IFI44L: variants seen among roughly 807,000 people sequenced by gnomAD.
IFI44L encodes interferon-induced protein 44-like.
IFI44L carries 40 observed loss-of-function variants against 39.3 expected under a neutral mutation model. That is an observed-to-expected ratio of 1.02 (90% CI 0.79 to 1.33). The LOEUF is 1.33. Among genes scored for constraint, IFI44L ranks in the 40% most tolerant of loss-of-function variants. IFI44L has a pLI of 0.00. For synonymous variants in IFI44L, 198 were observed against 182.3 expected (o/e 1.09, Z -0.69); for missense variants, 623 against 549.0 (o/e 1.13, Z -1.35).
At chr1:78,629,988 C>A in intron 4 of IFI44L, 73 bp downstream of exon 4, 1 of 1,338,144 alleles carries the variant, frequency 7.5e-7, no homozygotes, top group East Asian at 2.4e-5. Context: ...GCCTTTTTCT[C>A]TTAGGGCAAT....
Position 78,641,112 on chromosome 1 carries a change from T to C in IFI44L, c.1140T>C (p.Ser380=), listed in dbSNP as rs1439473545. The stretch of plus-strand genomic sequence containing the variant: ...TAAACATGAGTAGATCTATGACTTC[T>C]CAAAGCCGGGTAAAAAATGCTGATC... ...NFLNMSRSMT[S]QSRVMNVHKM... Residue 380 remains serine (S), a synonymous_variant, in exon 7 of 9, where the codon TCT becomes TCC. Transcript: ENST00000370751. The C allele has an allele frequency of 2.5e-6, 4 of 1,607,738 alleles. No homozygotes were observed. The highest frequency in any genetic ancestry group is 3.4e-6 in the Non-Finnish European group (4 of 1,174,646).
chr1:78,641,292 G>C, intron 7 of IFI44L, 143 bp from the exon 8 acceptor site: 1 of 878,244 alleles, frequency 1.1e-6, no homozygotes. Flanking sequence ...CTTTAAAACT[G>C]CAATGATCTG....
chr1:78,646,094 A>G lies in IFI44L; in HGVS notation c.*4285A>G, dbSNP rs895941870. On this transcript the variant is annotated 3_prime_UTR_variant, in exon 9 of 9. Coordinates refer to ENST00000370751, the MANE Select transcript of IFI44L (RefSeq NM_006820.4). ...AAAATTGATTTCTTTTGCACATTCC[A>G]TGACAATATATGTCACATTTTTAAA... 1.3e-4 allele frequency: 20 copies of G among 152,190 alleles called. No individual in the cohort carries two copies. The highest frequency in any genetic ancestry group is 4.1e-4 in the African/African-American group (17 of 41,454). 9.4% of individuals were successfully genotyped at this position (152,190 alleles called of 1,614,324 possible).
At chr1:78,622,599 C>A (rs886473649) in intron 1 of IFI44L, among the ~76,000 whole-genome samples, 1 of 151,820 alleles carries the variant, frequency 6.6e-6, no homozygotes, top group African/African-American at 2.4e-5. Context: ...TGTGACTTAA[C>A]GGTAACAAAT....
At chr1:78,637,009 G>A in intron 5 of IFI44L, 23 bp from the exon 6 acceptor site, 1 of 1,576,826 alleles carries the variant, frequency 6.3e-7, no homozygotes, top group Non-Finnish European at 8.7e-7. Flanking sequence ...ATTTCTGAAT[G>A]TTACCTTATG....
chr1:78,639,490 C>T (rs967143946), intron 6 of IFI44L, among the ~76,000 whole-genome samples: 3 of 151,966 alleles, frequency 2.0e-5, no homozygotes, highest in African/African-American at 7.2e-5. Context: ...TTTTTGCTGG[C>T]TCTAATTTGT....
rs116273074 is a variant in IFI44L at position 78,625,433 on chromosome 1, T to C, written c.-10-2473T>C. 5.8e-3 allele frequency among the ~76,000 whole-genome samples: 881 copies of C among 152,256 alleles called. 13 individuals carry two copies. The highest frequency in any genetic ancestry group is 0.02 in the African/African-American group (830 of 41,578). On this transcript the variant is annotated intron_variant, in intron 1 of 8. Transcript: ENST00000370751. ...TCAAATTTAATTTTACAAAGTTGTT[T>C]ATCTTCAGACCATTTTATCGTTTAT...
chr1:78,622,747 A>G (rs978816233), intron 1 of IFI44L, among the ~76,000 whole-genome samples: 7 of 152,172 alleles, frequency 4.6e-5, no homozygotes, highest in African/African-American at 7.2e-5. Flanking sequence ...CTTCAGGCCA[A>G]TGACTAACTG....
intron 4 of IFI44L, chr1:78,631,454 A>G (rs1167679242): frequency 6.6e-6 from 1 of 152,190 alleles, no homozygotes. Context: ...ACAATAAGTC[A>G]TAGACTGTTC....
intron 6 of IFI44L, among the ~76,000 whole-genome samples, chr1:78,638,487 T>C (rs1375975102): frequency 2.0e-5 from 3 of 152,114 alleles, no homozygotes; most frequent in Non-Finnish European, 4.4e-5. Context: ...TCTCACAATT[T>C]ATTTATTTAT....
At chr1:78,621,573 C>G (rs901600071) in intron 1 of IFI44L, among the ~76,000 whole-genome samples, 3 of 152,008 alleles carry the variant, frequency 2.0e-5, no homozygotes, top group Non-Finnish European at 2.9e-5. Context: ...CACCTAGCCT[C>G]TCCTATATTC....
intron 1 of IFI44L, among the ~76,000 whole-genome samples, chr1:78,623,018 G>T (rs969018834): frequency 2.0e-5 from 3 of 152,176 alleles, no homozygotes; most frequent in Non-Finnish European, 4.4e-5. Context: ...GTCTCTAAAC[G>T]TATGAGAAAT....
rs1269327461 is a variant in IFI44L at position 78,628,936 on chromosome 1, G to A, written c.479-15G>A. On this transcript the variant is annotated splice_polypyrimidine_tract_variant and intron_variant, in intron 2 of 8. Coordinates refer to ENST00000370751, the MANE Select transcript of IFI44L (RefSeq NM_006820.4). ...AAGTTTTAAAAATGTATTATGCTATGTTTATTTCCTATAGGAATTAAGGAT... is the reference window on the plus strand; with the variant it reads ...AAGTTTTAAAAATGTATTATGCTATATTTATTTCCTATAGGAATTAAGGAT... 1 of 1,484,958 alleles carries A rather than the reference G, an allele frequency of 6.7e-7. No individual in the cohort carries two copies. Among genetic ancestry groups the A allele is most frequent in the Non-Finnish European group, 9.4e-7 (1 of 1,067,956 alleles). 92.0% of individuals were successfully genotyped at this position (1,484,958 alleles called of 1,614,324 possible). A position where few individuals can be genotyped will look rare whatever the true frequency, so the allele number is the denominator to read the frequency against.
chr1:78,634,349 G>C (rs553023102), intron 4 of IFI44L, among the ~76,000 whole-genome samples: 111 of 152,234 alleles, frequency 7.3e-4, no homozygotes, highest in South Asian at 5.0e-3. Context: ...TAACATATTA[G>C]AAAGTTTTAA....
Position 78,629,908 on chromosome 1 carries a change from C to A in IFI44L, c.716C>A (p.Thr239Asn). ...AVVGSDITSI[T>N]ERYRIYSVKD... ...GTGGGGTCTGATATCACCAGCATAA[C>A]CGAGCGGGTAAGTTATTTCCCTGAG... The change falls in exon 4 of 9, where the codon ACC (threonine) becomes AAC (asparagine). Residue 239 changes from threonine to asparagine, a missense_variant. Coordinates refer to ENST00000370751, the MANE Select transcript of IFI44L (RefSeq NM_006820.4). The A allele has an allele frequency of 1.2e-6, 2 of 1,611,894 alleles. No homozygotes were observed. The highest frequency in any genetic ancestry group is 1.1e-5 in the South Asian group (1 of 90,892).
intron 1 of IFI44L, 113 bp downstream of exon 1, chr1:78,620,684 A>G (rs1392994251): frequency 2.0e-5 from 3 of 152,220 alleles, no homozygotes; most frequent in Non-Finnish European, 4.4e-5. Context: ...TGGGAAATCC[A>G]TCACCTCAAC....
intron 6 of IFI44L, among the ~76,000 whole-genome samples, chr1:78,639,057 C>T (rs1362619962): frequency 6.6e-6 from 1 of 152,026 alleles, no homozygotes; most frequent in Non-Finnish European, 1.5e-5. Flanking sequence ...ATATAGGATA[C>T]CCTGACATCA....
rs1647036803 is a variant in IFI44L at position 78,645,542 on chromosome 1, A to G, written c.*3733A>G. 6.6e-6 allele frequency: 1 copy of G among 152,212 alleles called. No individual in the cohort carries two copies. Among genetic ancestry groups the G allele is most frequent in the Non-Finnish European group, 1.5e-5 (1 of 68,032 alleles). The allele number at this position is 152,212 out of a possible 1,614,324, so 9.4% of individuals were successfully genotyped here. ...GATAGGGGGGCCAAGTAAGCCCCATATGCTTAATGATCAGCTGATGAATAA... is the reference window on the plus strand; with the variant it reads ...GATAGGGGGGCCAAGTAAGCCCCATGTGCTTAATGATCAGCTGATGAATAA... On this transcript the variant is annotated 3_prime_UTR_variant, in exon 9 of 9. Coordinates refer to ENST00000370751, the MANE Select transcript of IFI44L (RefSeq NM_006820.4).
intron 4 of IFI44L, among the ~76,000 whole-genome samples, chr1:78,634,980 A>G (rs945373792): frequency 2.0e-4 from 30 of 147,088 alleles, no homozygotes; most frequent in African/African-American, 6.6e-4. Flanking sequence ...GAGTCAAAAC[A>G]TACCATTATA....
Sources: gnomAD v4.1 joint callset for allele counts (sites outside exome capture counted in the v4.1 genomes callset) on GRCh38, gnomAD v4.1.1 for gene constraint, MANE v1.5 for transcripts, NCBI Gene and HGNC (gene_info 2026-07-23, HGNC 2026-07-21) for gene names.